PLD5: variants seen among roughly 807,000 people sequenced by gnomAD.
PLD5 encodes phospholipase D family member 5.
A neutral mutation model predicts 61.1 loss-of-function variants in PLD5; 36 were observed. The observed-to-expected ratio is 0.59, with a 90% CI of 0.45 to 0.78. The LOEUF is 0.78. Among genes scored for constraint, PLD5 ranks in the 30% least tolerant of loss-of-function variants. The pLI is 0.00. For synonymous variants in PLD5, 243 were observed against 242.8 expected (o/e 1.00, Z -0.01); for missense variants, 515 against 644.4 (o/e 0.80, Z 2.17).
chr1:242,107,542 A>C, intron 8 of PLD5, 129 bp downstream of exon 8: 2 of 884,798 alleles, frequency 2.3e-6, no homozygotes, highest in Non-Finnish European at 3.3e-6. Context: ...AAATTACTTA[A>C]CGTGCTTTTT....
At chr1:242,271,210 AG>A in intron 3 of PLD5, among the ~76,000 whole-genome samples, 1 of 9,024 alleles carries the variant, frequency 1.1e-4, no homozygotes, top group African/African-American at 3.0e-4. Flanking sequence ...ACAGAGAGAG[AG>A]AGAGAGAGAG....
chr1:242,124,789 G>T, intron 5 of PLD5, 124 bp from the exon 6 acceptor site: 1 of 747,880 alleles, frequency 1.3e-6, no homozygotes, highest in South Asian at 1.9e-5. Context: ...GAAGTAAGTA[G>T]ATATAGTTAC....
chr1:242,326,327 G>A (rs960217664), intron 2 of PLD5, among the ~76,000 whole-genome samples: 7 of 151,728 alleles, frequency 4.6e-5, no homozygotes, highest in African/African-American at 1.5e-4. Flanking sequence ...CGGCTGCTAA[G>A]TATATGCATA....
At chr1:242,101,974 A>G (rs1186989176) in intron 8 of PLD5, among the ~76,000 whole-genome samples, 4 of 152,212 alleles carry the variant, frequency 2.6e-5, no homozygotes, top group Admixed American at 6.5e-5. Flanking sequence ...CACCACGGTT[A>G]TAGACAATGA....
At chr1:242,297,439 C>T (rs1346035061) in intron 2 of PLD5, among the ~76,000 whole-genome samples, 1 of 135,720 alleles carries the variant, frequency 7.4e-6, no homozygotes, top group Admixed American at 7.8e-5. Context: ...CAGGGTCTTG[C>T]TCTGTCATCC....
chr1:242,449,453 G>C (rs761455949), intron 1 of PLD5: 201 of 1,534,832 alleles, frequency 1.3e-4, no homozygotes, highest in Non-Finnish European at 1.6e-4. Context: ...CAGAGGCAGA[G>C]AATGTTTCAT....
At chr1:242,289,428 A>G (rs1234544885) in intron 2 of PLD5, among the ~76,000 whole-genome samples, 1 of 152,116 alleles carries the variant, frequency 6.6e-6, no homozygotes, top group Admixed American at 6.5e-5. Flanking sequence ...GGCTCACTGC[A>G]TCCTCCGCCT....
At chr1:242,324,444 G>T (rs1238670659) in intron 2 of PLD5, among the ~76,000 whole-genome samples, 1 of 151,582 alleles carries the variant, frequency 6.6e-6, no homozygotes, top group Non-Finnish European at 1.5e-5. Flanking sequence ...GACAGCGAAA[G>T]AAATATGACC....
intron 1 of PLD5, among the ~76,000 whole-genome samples, chr1:242,511,615 A>G (rs538504038): frequency 6.6e-6 from 1 of 152,158 alleles, no homozygotes; most frequent in Non-Finnish European, 1.5e-5. Context: ...CATGCACAAA[A>G]TGAGGGACAT....
At chr1:242,198,980 C>T (rs922249400) in intron 5 of PLD5, among the ~76,000 whole-genome samples, 93 of 152,198 alleles carry the variant, frequency 6.1e-4, no homozygotes, top group Middle Eastern at 3.4e-3. Flanking sequence ...GTGATCTGCC[C>T]GCCTCAGCTT....
chr1:242,170,719 G>A (rs545902434), intron 5 of PLD5, among the ~76,000 whole-genome samples: 3 of 152,290 alleles, frequency 2.0e-5, no homozygotes, highest in South Asian at 2.1e-4. Context: ...TAAATGACCC[G>A]ATGGAGCTGA....
At chr1:242,517,964 C>G (rs931505678) in intron 1 of PLD5, among the ~76,000 whole-genome samples, 7 of 152,134 alleles carry the variant, frequency 4.6e-5, no homozygotes. Context: ...TCAGACCTAA[C>G]AACATACTGG....
intron 5 of PLD5, among the ~76,000 whole-genome samples, chr1:242,126,539 A>G (rs1662798892): frequency 6.6e-6 from 1 of 152,198 alleles, no homozygotes; most frequent in African/African-American, 2.4e-5. Context: ...ATGACAATGC[A>G]AACAAAAACA....
intron 5 of PLD5, among the ~76,000 whole-genome samples, chr1:242,203,358 TCTGC>T (rs1669107778): frequency 1.3e-5 from 2 of 152,174 alleles, no homozygotes; most frequent in Non-Finnish European, 2.9e-5. Flanking sequence ...CCTGTGAGTC[TCTGC>T]CAAACTCAAG....
At chr1:242,370,942 A>G (rs1034585889) in intron 1 of PLD5, among the ~76,000 whole-genome samples, 8 of 152,154 alleles carry the variant, frequency 5.3e-5, no homozygotes, top group African/African-American at 1.4e-4. Context: ...TTTCTGTGAT[A>G]GGAGATTTAT....
At chr1:242,448,319 C>T (rs116246343) in intron 1 of PLD5, among the ~76,000 whole-genome samples, 41 of 152,262 alleles carry the variant, frequency 2.7e-4, no homozygotes, top group African/African-American at 9.6e-4. Context: ...AAGGCAAACT[C>T]ACTTCTAAAA....
rs71570946 is a variant in PLD5, at chr1:242,256,747, CATCTATCTATCTATCTATCTATCTATCT to C, written c.607+8562_607+8589del. Among the ~76,000 whole-genome samples the C allele has an allele frequency of 6.7e-6, 1 of 148,222 alleles. No individual in the cohort carries two copies. On this transcript the variant is annotated intron_variant, in intron 4 of 9. Transcript: ENST00000536534. This position sits in a 1 kb window ranked among gnomAD's most constrained non-coding sequence, Gnocchi z 5.7. ...AGCAGCACAAATGAACTAAGACTATCATCTATCTATCTATCTATCTATCTATCTATCTATCTATCTATCTATCTATTAA... is the reference window on the plus strand; with the variant it reads ...AGCAGCACAAATGAACTAAGACTATCATCTATCTATCTATCTATCTATTAA...
chr1:242,216,209 G>A (rs184126448), intron 5 of PLD5, among the ~76,000 whole-genome samples: 5 of 151,950 alleles, frequency 3.3e-5, no homozygotes, highest in Admixed American at 6.6e-5. Context: ...CGCCTTGCCC[G>A]ACAGACCTGT....
chr1:242,182,750 C>T (rs1667600196), intron 5 of PLD5, among the ~76,000 whole-genome samples: 1 of 152,030 alleles, frequency 6.6e-6, no homozygotes, highest in Non-Finnish European at 1.5e-5. Context: ...GGCTGAGGCA[C>T]AGGAATCTCT....
Sources: allele counts gnomAD v4.1 joint callset (sites outside exome capture counted in the v4.1 genomes callset), GRCh38; gene constraint gnomAD v4.1.1; non-coding constraint Gnocchi (gnomAD v3.1); transcripts MANE v1.5; gene names NCBI Gene and HGNC (gene_info 2026-07-23, HGNC 2026-07-21).